TARBP1: variants seen among roughly 807,000 people sequenced by gnomAD.
TARBP1 encodes the protein tRNA (guanosine(18)-2'-O)-methyltransferase TARBP1.
In TARBP1, 144 loss-of-function variants were observed where a neutral mutation model predicts 178.6. That is an observed-to-expected ratio of 0.81 (90% CI 0.70 to 0.93). The LOEUF (loss-of-function observed/expected upper bound fraction) is 0.93, where lower values mean the gene tolerates loss of function less well. TARBP1 is among the 40% of genes least tolerant of loss of function. The probability of loss-of-function intolerance (pLI) is 0.00; values close to 1 mark genes in which losing one functional copy is unlikely to be tolerated. For synonymous variants in TARBP1, 787 were observed against 781.0 expected (o/e 1.01, Z -0.13); for missense variants, 2,067 against 2,011.7 (o/e 1.03, Z -0.53).
chr1:234,424,058 A>T (rs3820603), intron 20 of TARBP1, among the ~76,000 whole-genome samples: 36,695 of 152,134 alleles, frequency 0.24, 4,697 homozygotes, highest in East Asian at 0.44. Context: ...ACAGAGAGGG[A>T]ATTGTTGCAT....
At chr1:234,447,386 T>C (rs558828719) in intron 11 of TARBP1, among the ~76,000 whole-genome samples, 4 of 145,694 alleles carry the variant, frequency 2.7e-5, no homozygotes, top group Admixed American at 7.2e-5. Context: ...TTAAAAACTG[T>C]TAACCAACTT....
intron 18 of TARBP1, 36 bp downstream of exon 18, chr1:234,427,540 C>G (rs750579090): frequency 1.3e-6 from 2 of 1,559,798 alleles, no homozygotes; most frequent in Admixed American, 4.1e-5. Flanking sequence ...GCACTTAATA[C>G]AAGTTATGAC....
chr1:234,401,134 G>C, intron 25 of TARBP1, 47 bp downstream of exon 25: 1 of 1,488,528 alleles, frequency 6.7e-7, no homozygotes, highest in Non-Finnish European at 9.3e-7. Context: ...GGAAGCATCA[G>C]GATTAAAGAT....
At chr1:234,444,011 G>A (rs1039002923) in intron 12 of TARBP1, among the ~76,000 whole-genome samples, 3 of 152,246 alleles carry the variant, frequency 2.0e-5, no homozygotes, top group Non-Finnish European at 4.4e-5. Flanking sequence ...AGTTCAGGAA[G>A]AGGAAAATTG....
In TARBP1 at chr1:234,437,366, A is replaced by C; in HGVS notation, c.2141T>G (p.Val714Gly). Residue 714 changes from valine (V) to glycine (G), a missense_variant, in exon 13 of 30, where the codon GTG becomes GGG. Coordinates refer to ENST00000040877, the MANE Select transcript of TARBP1 (RefSeq NM_005646.4). ...LKGSSAQDDE[V>G]STVLQNFFMS... ...GAAAAAGTTCTGAAGAACAGTAGAC[A>C]CCTCATCTGTATGGGGGCAAAAAGC... The C allele has an allele frequency of 6.4e-7, 1 of 1,555,696 alleles. No homozygotes were observed.
intron 1 of TARBP1, among the ~76,000 whole-genome samples, chr1:234,476,771 A>G (rs1445507713): frequency 6.6e-6 from 1 of 152,244 alleles, no homozygotes; most frequent in Non-Finnish European, 1.5e-5. Flanking sequence ...AAGATATACT[A>G]TGTCAAGACA....
In TARBP1 at chr1:234,471,243, C is replaced by T; in HGVS notation, c.1044G>A (p.Lys348=). Residue 348 remains lysine (K), a synonymous_variant, in exon 3 of 30, where the codon AAG becomes AAA. Coordinates refer to ENST00000040877, the MANE Select transcript of TARBP1 (RefSeq NM_005646.4). ...GATTGTTTAGCTTTGGTAAAACTGG[C>T]TTTATAACATGTATCTAAAAATAAG... ...TLEGNQIHVI[K]PVLPKLNNLF... is the part of the protein sequence containing the mutation. The T allele has an allele frequency of 6.3e-7, 1 of 1,593,244 alleles. No individual in the cohort carries two copies. The highest frequency in any genetic ancestry group is 8.5e-7 in the Non-Finnish European group (1 of 1,172,384).
At chr1:234,439,309 A>G (rs1015449782) in intron 12 of TARBP1, among the ~76,000 whole-genome samples, 4 of 152,234 alleles carry the variant, frequency 2.6e-5, no homozygotes, top group African/African-American at 9.6e-5. Context: ...CTTTTCAACA[A>G]ATGTAAATAT....
chr1:234,472,036 T>TA (rs1285582718), intron 2 of TARBP1, among the ~76,000 whole-genome samples: 1 of 152,002 alleles, frequency 6.6e-6, no homozygotes, highest in Non-Finnish European at 1.5e-5. Flanking sequence ...TGGGAACTTG[T>TA]AAAAAACTCA....
chr1:234,418,082 A>T lies in TARBP1; in HGVS notation c.3705+2T>A, dbSNP rs1662637793. 1 of 1,299,548 alleles carries T rather than the reference A, an allele frequency of 7.7e-7. No individual in the cohort carries two copies. The highest frequency in any genetic ancestry group is 1.6e-5 in the South Asian group (1 of 61,000). 80.5% of individuals were successfully genotyped at this position (1,299,548 alleles called of 1,614,324 possible). A position where few individuals can be genotyped will look rare whatever the true frequency, so the allele number is the denominator to read the frequency against. The stretch of plus-strand genomic sequence containing the variant: ...AATATATAAAAAATATTCTTTACTT[A>T]CATAAGAAAAACAATCCCAGAACTT... On this transcript the variant is annotated splice_donor_variant, in intron 22 of 29. Transcript: ENST00000040877. LOFTEE classifies it high-confidence loss of function.
At position 234,430,187 on chromosome 1, in the gene TARBP1, G is replaced by A. The variant is rs750889517; in HGVS notation, c.2509C>T (p.Pro837Ser). ...AGAGAGGAAAGGAAGCTTTCCAGGG[G>A]CCCAGCATGGAGAGAGTCCAGCTGC... ...ELQLDSLHAG[P>S]LESFLSSLQL... The change falls in exon 15 of 30, where the codon CCC (proline) becomes TCC (serine). Residue 837 changes from proline to serine, a missense_variant. Pro to Ser is a moderately conservative substitution (Grantham distance 74). Coordinates refer to ENST00000040877, the MANE Select transcript of TARBP1 (RefSeq NM_005646.4). The A allele has an allele frequency of 6.2e-7, 1 of 1,614,178 alleles. No homozygotes were observed. The highest frequency in any genetic ancestry group is 1.7e-5 in the Admixed American group (1 of 60,028).
intron 9 of TARBP1, among the ~76,000 whole-genome samples, chr1:234,455,251 T>C (rs1667158592): frequency 1.3e-5 from 2 of 152,156 alleles, no homozygotes; most frequent in African/African-American, 2.4e-5. Flanking sequence ...TAGGAAACTA[T>C]GGAGGGAAAC....
At chr1:234,427,531 C>T in intron 18 of TARBP1, 45 bp downstream of exon 18, 1 of 1,535,598 alleles carries the variant, frequency 6.5e-7, no homozygotes, top group Non-Finnish European at 8.8e-7. Flanking sequence ...CCCAAGTAGG[C>T]ACTTAATACA....
intron 1 of TARBP1, 132 bp downstream of exon 1, chr1:234,478,041 G>C (rs1262379218): frequency 1.2e-6 from 1 of 866,296 alleles, no homozygotes; most frequent in Non-Finnish European, 1.7e-6. Context: ...CTTTAGGGGA[G>C]CAACGCGGAA....
rs547229059 is a variant in TARBP1, at chr1:234,391,661, G to A, written c.4782C>T (p.Ser1594=). The A allele has an allele frequency of 1.6e-5, 26 of 1,613,704 alleles. 1 individual carries two copies. The South Asian group carries it at 2.7e-4, about 17-fold the overall frequency. ...GGGCTCCACTCACATGGACATTCAG[G>A]GAGCGGATAATGCCCTGTTGAGGAA... ...VEIPQQGIIR[S]LNVHVSGALL... is the part of the protein sequence containing the mutation. The change falls in exon 30 of 30, where the codon TCC becomes TCT. Residue 1594 remains serine (S), a synonymous_variant. Coordinates refer to ENST00000040877, the MANE Select transcript of TARBP1 (RefSeq NM_005646.4).
chr1:234,404,792 C>T (rs565992900), intron 24 of TARBP1, among the ~76,000 whole-genome samples: 22 of 152,302 alleles, frequency 1.4e-4, no homozygotes, highest in African/African-American at 5.1e-4. Context: ...TGCTACTCCC[C>T]TGTTTTATTT....
intron 2 of TARBP1, among the ~76,000 whole-genome samples, chr1:234,472,319 A>G (rs930191324): frequency 8.6e-6 from 1 of 116,334 alleles, no homozygotes; most frequent in Non-Finnish European, 1.7e-5. Flanking sequence ...AGAGAGCAAG[A>G]CTCTGTCTCC....
chr1:234,402,246 G>A (rs12031728), intron 24 of TARBP1, among the ~76,000 whole-genome samples: 25,663 of 152,196 alleles, frequency 0.17, 2,654 homozygotes, highest in East Asian at 0.38. Flanking sequence ...AGACTGTCTC[G>A]TTTTCATTCG....
intron 26 of TARBP1, among the ~76,000 whole-genome samples, chr1:234,396,666 A>G (rs1659964456): frequency 6.6e-6 from 1 of 152,120 alleles, no homozygotes; most frequent in Admixed American, 6.6e-5. Context: ...CACATTAGTG[A>G]ACCATCCAGA....
Sources: allele counts gnomAD v4.1 joint callset (sites outside exome capture counted in the v4.1 genomes callset), GRCh38; gene constraint gnomAD v4.1.1; transcripts MANE v1.5; gene names NCBI Gene and HGNC (gene_info 2026-07-23, HGNC 2026-07-21).